The following NUDCD1 variants were observed in gnomAD, a reference collection of about 807,000 sequenced individuals.
NUDCD1 encodes the protein NudC domain containing 1.
NUDCD1 carries 60 observed loss-of-function variants against 67.8 expected under a neutral mutation model. That is an observed-to-expected ratio of 0.88 (90% CI 0.72 to 1.10). NUDCD1 has a LOEUF of 1.10. Among genes scored for constraint, NUDCD1 ranks in the 50% least tolerant of loss-of-function variants. The pLI, the probability that NUDCD1 is intolerant of heterozygous loss-of-function variation, is 0.00. For missense variants in NUDCD1, 643 were observed against 695.0 expected (o/e 0.93, Z 0.84); for synonymous variants, 244 against 230.8 (o/e 1.06, Z -0.52).
At chr8:109,266,392 A>ATTTTTTTTTTTT (rs71305931) in intron 8 of NUDCD1, among the ~76,000 whole-genome samples, 1 of 87,508 alleles carries the variant, frequency 1.1e-5, no homozygotes, top group African/African-American at 5.0e-5. Context: ...TGCCCGGCTA[A>ATTTTTTTTTTTT]TTTTTTTTTT....
chr8:109,293,394 C>A lies in NUDCD1; in HGVS notation c.590G>T (p.Ser197Ile). ...IEKEELDMKG[S>I]GFYVSLEWVT... ...CCACTCCAGAGAAACATAGAAACCA[C>A]TTCCTTTCATATCCAATTCCTCTTT... Residue 197 changes from serine to isoleucine, a missense_variant, in exon 4 of 10, where the codon AGT becomes ATT. By Grantham distance (142) the Ser-to-Ile change is moderately radical. Coordinates refer to ENST00000239690, the MANE Select transcript of NUDCD1 (RefSeq NM_032869.4). The A allele has an allele frequency of 6.3e-7, 1 of 1,591,056 alleles. No homozygotes were observed. The highest frequency in any genetic ancestry group is 8.6e-7 in the Non-Finnish European group (1 of 1,169,198).
intron 2 of NUDCD1, among the ~76,000 whole-genome samples, chr8:109,320,191 G>A (rs1475058947): frequency 5.3e-5 from 8 of 152,066 alleles, no homozygotes; most frequent in South Asian, 2.1e-4. Context: ...GAGATCAACC[G>A]GTCTGACCAA....
chr8:109,314,107 T>C (rs1251182084), intron 2 of NUDCD1, among the ~76,000 whole-genome samples: 1 of 152,202 alleles, frequency 6.6e-6, no homozygotes, highest in East Asian at 1.9e-4. Flanking sequence ...GAATAACCTC[T>C]ATTGACAATT....
At chr8:109,312,039 A>G (rs990939162) in intron 2 of NUDCD1, among the ~76,000 whole-genome samples, 1 of 152,188 alleles carries the variant, frequency 6.6e-6, no homozygotes, top group East Asian at 1.9e-4. Flanking sequence ...GCGGTGGCTC[A>G]TGCCTATAAT....
intron 4 of NUDCD1, among the ~76,000 whole-genome samples, chr8:109,291,624 A>G (rs774334839): frequency 6.6e-6 from 1 of 152,192 alleles, no homozygotes; most frequent in Non-Finnish European, 1.5e-5. Flanking sequence ...AAAAAAACCA[A>G]TCATATTAGT....
At position 109,250,208 on chromosome 8, in the gene NUDCD1, CT is replaced by C. The variant is rs1280777051; in HGVS notation, c.1300-4728del. Among the ~76,000 whole-genome samples the C allele has an allele frequency of 5.9e-5, 9 of 152,246 alleles. No individual in the cohort carries two copies. The East Asian group carries it at 1.7e-3, about 29-fold the overall frequency. ...AAGAGACTATGTGATACTCATTTTA[CT>C]TATTAAATAAATTCTAGCTTCCCTA... On this transcript the variant is annotated intron_variant, in intron 8 of 9. Coordinates refer to ENST00000239690, the MANE Select transcript of NUDCD1 (RefSeq NM_032869.4).
rs1813380202 is a variant in NUDCD1 at position 109,242,109 on chromosome 8, T to C, written c.*900A>G. 2 of 398,048 alleles carry C rather than the reference T, an allele frequency of 5.0e-6. No homozygotes were observed. The highest frequency in any genetic ancestry group is 1.3e-4 in the South Asian group (1 of 7,846). The allele number at this position is 398,048 out of a possible 1,614,324, so 24.7% of individuals were successfully genotyped here. Reference sequence around the variant, plus strand: ...TCCATCAATGGCCCCCAATGAGTCATACCATCCGCTGTCAGCTTGTGTAGT... The same window carrying C: ...TCCATCAATGGCCCCCAATGAGTCACACCATCCGCTGTCAGCTTGTGTAGT... On this transcript the variant is annotated 3_prime_UTR_variant, in exon 10 of 10. Coordinates refer to ENST00000239690, the MANE Select transcript of NUDCD1 (RefSeq NM_032869.4).
intron 2 of NUDCD1, among the ~76,000 whole-genome samples, chr8:109,298,002 C>A (rs1393932032): frequency 6.6e-6 from 1 of 152,146 alleles, no homozygotes; most frequent in South Asian, 2.1e-4. Context: ...TTACTGGCCA[C>A]AAAATTTTTG....
chr8:109,311,452 CA>C (rs1251234331), intron 2 of NUDCD1, among the ~76,000 whole-genome samples: 1 of 151,414 alleles, frequency 6.6e-6, no homozygotes, highest in African/African-American at 2.4e-5. Flanking sequence ...AGTCATTATA[CA>C]AAAAAGATAC....
intron 5 of NUDCD1, among the ~76,000 whole-genome samples, chr8:109,286,793 GAA>G (rs1814584109): frequency 6.6e-6 from 1 of 152,020 alleles, no homozygotes; most frequent in South Asian, 2.1e-4. Flanking sequence ...CTAATTAAAT[GAA>G]AGAGTTCCTC....
At chr8:109,333,195 T>C (rs1815852360) in intron 1 of NUDCD1, among the ~76,000 whole-genome samples, 2 of 152,224 alleles carry the variant, frequency 1.3e-5, no homozygotes, top group African/African-American at 4.8e-5. Context: ...GTGTGATCTC[T>C]GAAAACATGC....
intron 2 of NUDCD1, chr8:109,315,920 C>T (rs373827315): frequency 6.6e-6 from 1 of 152,160 alleles, no homozygotes; most frequent in African/African-American, 2.4e-5. Context: ...GCTCCTCTAA[C>T]AAATAGTTGT....
At chr8:109,251,363 G>A (rs1226921661) in intron 8 of NUDCD1, among the ~76,000 whole-genome samples, 1 of 151,732 alleles carries the variant, frequency 6.6e-6, no homozygotes, top group East Asian at 1.9e-4. Context: ...AGTAGAGACG[G>A]GGTTTCACCA....
chr8:109,332,405 T>A (rs1297512477), intron 1 of NUDCD1, among the ~76,000 whole-genome samples: 1 of 152,130 alleles, frequency 6.6e-6, no homozygotes, highest in African/African-American at 2.4e-5. Flanking sequence ...CACAAGTGTC[T>A]CTTGGTACCA....
chr8:109,298,593 T>C (rs1010611617), intron 2 of NUDCD1: 4 of 152,216 alleles, frequency 2.6e-5, no homozygotes, highest in Admixed American at 2.0e-4. Context: ...AAAAAGTCTT[T>C]CTACATGTAA....
chr8:109,271,166 A>G (rs1814146853), intron 7 of NUDCD1, 36 bp from the exon 8 acceptor site: 1 of 1,401,992 alleles, frequency 7.1e-7, no homozygotes, highest in Non-Finnish European at 9.8e-7. Flanking sequence ...AATAAGTAAA[A>G]CAAATAAACA....
chr8:109,243,885 C>A (rs1325222920), intron 9 of NUDCD1, among the ~76,000 whole-genome samples: 1 of 151,950 alleles, frequency 6.6e-6, no homozygotes, highest in Non-Finnish European at 1.5e-5. Flanking sequence ...CTTTTAGCCC[C>A]CACAAGTAGA....
Position 109,322,351 on chromosome 8 carries a change from A to G in NUDCD1, c.231T>C (p.Tyr77=). ...TCATAATTCTTCCAAGGGTATCAATATAGTAGACACTGTCTTGATACCATG... is the reference window on the plus strand; with the variant it reads ...TCATAATTCTTCCAAGGGTATCAATGTAGTAGACACTGTCTTGATACCATG... ...CDSWYQDSVY[Y]IDTLGRIMNL... Residue 77 remains tyrosine (Y), a synonymous_variant, in exon 2 of 10, where the codon TAT becomes TAC. Transcript: ENST00000239690. The G allele has an allele frequency of 1.3e-6, 2 of 1,578,698 alleles. No homozygotes were observed. Among genetic ancestry groups the G allele is most frequent in the Non-Finnish European group, 1.7e-6 (2 of 1,149,882 alleles).
At chr8:109,263,260 A>C (rs765549939) in intron 8 of NUDCD1, among the ~76,000 whole-genome samples, 4 of 152,024 alleles carry the variant, frequency 2.6e-5, no homozygotes, top group Non-Finnish European at 5.9e-5. Context: ...TAGAAGATAG[A>C]GTGCCTCCCT....
Sources: allele counts gnomAD v4.1 joint callset (sites outside exome capture counted in the v4.1 genomes callset), GRCh38; gene constraint gnomAD v4.1.1; transcripts MANE v1.5; gene names NCBI Gene and HGNC (gene_info 2026-07-23, HGNC 2026-07-21).